The following PCDHGA11 variants were observed in gnomAD, a reference collection of about 807,000 sequenced individuals.
The protein encoded by PCDHGA11 is protocadherin gamma-A11.
A neutral mutation model predicts 60.4 loss-of-function variants in PCDHGA11; 39 were observed. The observed-to-expected ratio is 0.65, with a 90% CI of 0.50 to 0.84. PCDHGA11 has a LOEUF of 0.84. Among genes scored for constraint, PCDHGA11 ranks in the 40% least tolerant of loss-of-function variants. The pLI, the probability that PCDHGA11 is intolerant of heterozygous loss-of-function variation, is 0.00. For synonymous variants in PCDHGA11, 533 were observed against 510.3 expected, an observed-to-expected ratio of 1.04 and a Z score of -0.60; for missense variants, 1,165 against 1,197.7, an observed-to-expected ratio of 0.97 and a Z score of 0.40.
Position 141,462,764 on chromosome 5 carries a change from G to C in PCDHGA11, c.2434-32043G>C, listed in dbSNP as rs150842317. Among the ~76,000 whole-genome samples, 589 of 152,084 alleles carry C rather than the reference G, an allele frequency of 3.9e-3. 5 individuals are homozygous for C. Among genetic ancestry groups the C allele is most frequent in the Admixed American group, 0.011 (169 of 15,274 alleles). ...AATTCCTATGATGATTTTCTTCCTG[G>C]CTTGGGGTCATAATTTGTTGCTTAT... On this transcript the variant is annotated intron_variant, in intron 1 of 3. Transcript: ENST00000398587.
intron 1 of PCDHGA11, among the ~76,000 whole-genome samples, chr5:141,483,557 G>A (rs141633312): frequency 4.5e-4 from 69 of 152,276 alleles, no homozygotes; most frequent in Admixed American, 1.9e-3. Context: ...GCCATTCACA[G>A]AGACAGTGAA....
rs540507159 is a variant in PCDHGA11 at position 141,422,671 on chromosome 5, A to G, written c.1444A>G (p.Ser482Gly). The change falls in exon 1 of 4, where the codon AGC becomes GGC. Residue 482 changes from serine (S) to glycine (G), a missense_variant. By Grantham distance (56) the Ser-to-Gly change is moderately conservative. Coordinates refer to ENST00000398587, the MANE Select transcript of PCDHGA11 (RefSeq NM_018914.3). The stretch of plus-strand genomic sequence containing the variant: ...CTCAGTGACCGCCCTCGACCCGGAC[A>G]GCAAACAGAATGCCCTGGTCACTTA... ...IFSVTALDPD[S>G]KQNALVTYSL... is the part of the protein sequence containing the mutation. 4 of 1,607,248 alleles carry G rather than the reference A, an allele frequency of 2.5e-6. No homozygotes were observed. The Admixed American group carries it at 5.0e-5, about 20-fold the overall frequency.
intron 1 of PCDHGA11, among the ~76,000 whole-genome samples, chr5:141,456,729 C>T (rs1337183677): frequency 6.6e-6 from 1 of 152,158 alleles, no homozygotes; most frequent in Non-Finnish European, 1.5e-5. Context: ...CTTTGGGAGG[C>T]TGAGGCGGGA....
chr5:141,458,918 A>C (rs1173274380), intron 1 of PCDHGA11, among the ~76,000 whole-genome samples: 1 of 152,022 alleles, frequency 6.6e-6, no homozygotes, highest in Non-Finnish European at 1.5e-5. Context: ...TTTTTTGTGG[A>C]GACGGGGTCT....
intron 1 of PCDHGA11, among the ~76,000 whole-genome samples, chr5:141,480,451 T>G (rs2099519323): frequency 6.6e-6 from 1 of 152,136 alleles, no homozygotes; most frequent in African/African-American, 2.4e-5. Flanking sequence ...ATAATTATTT[T>G]TATTAGTTCC....
intron 2 of PCDHGA11, among the ~76,000 whole-genome samples, chr5:141,500,788 A>T (rs1379810633): frequency 2.6e-5 from 4 of 152,198 alleles, no homozygotes; most frequent in Admixed American, 6.5e-5. Context: ...ATATTATTTT[A>T]CAGAATAAGT....
chr5:141,477,298 T>C lies in PCDHGA11; in HGVS notation c.2434-17509T>C. ...TGGTGACCTGCGAAGTTCCACCGGG[T>C]CTCCCTTTCAGCCTTACTTCTTCCC... On this transcript the variant is annotated intron_variant, in intron 1 of 3. Coordinates refer to ENST00000398587, the MANE Select transcript of PCDHGA11 (RefSeq NM_018914.3). This position sits in a 1 kb window ranked among gnomAD's most constrained non-coding sequence, Gnocchi z 4.9. 1 of 1,613,344 alleles carries C rather than the reference T, an allele frequency of 6.2e-7. No individual in the cohort carries two copies. Among genetic ancestry groups the C allele is most frequent in the Non-Finnish European group, 8.5e-7 (1 of 1,179,870 alleles).
intron 1 of PCDHGA11, chr5:141,428,187 C>T: frequency 1.4e-6 from 2 of 1,439,502 alleles, no homozygotes; most frequent in Non-Finnish European, 1.9e-6. Context: ...GGACAGCCGC[C>T]GCTCTCTGCG....
In PCDHGA11 at chr5:141,490,274, A is replaced by G. The variant is rs1285515971; in HGVS notation, c.2434-4533A>G. The G allele has an allele frequency of 6.2e-7, 1 of 1,614,228 alleles. No individual in the cohort carries two copies. Among genetic ancestry groups the G allele is most frequent in the Non-Finnish European group, 8.5e-7 (1 of 1,180,038 alleles). On this transcript the variant is annotated intron_variant, in intron 1 of 3. Transcript: ENST00000398587. This position sits in a 1 kb window ranked among gnomAD's most constrained non-coding sequence, Gnocchi z 5.4. ...CAAGTGGATGTGGGGGATGTCAATGACAATGCCCCAGAGGTGCTATTGGCC... is the reference window on the plus strand; with the variant it reads ...CAAGTGGATGTGGGGGATGTCAATGGCAATGCCCCAGAGGTGCTATTGGCC...
chr5:141,460,587 T>C (rs1461971599), intron 1 of PCDHGA11, among the ~76,000 whole-genome samples: 1 of 152,170 alleles, frequency 6.6e-6, no homozygotes, highest in Non-Finnish European at 1.5e-5. Flanking sequence ...TGTGGGTTTT[T>C]TCTGGGCTCT....
intron 1 of PCDHGA11, chr5:141,427,607 T>C (rs1157037825): frequency 1.5e-6 from 1 of 688,594 alleles, no homozygotes; most frequent in Non-Finnish European, 2.7e-6. Context: ...TACGCATTGG[T>C]GAAGTCAACG....
intron 1 of PCDHGA11, chr5:141,478,878 T>A: frequency 8.0e-7 from 1 of 1,250,194 alleles, no homozygotes; most frequent in Non-Finnish European, 1.1e-6. Flanking sequence ...GAGTTTAGCT[T>A]GGTATCATTT....
chr5:141,428,423 G>C (rs939814279), intron 1 of PCDHGA11: 1 of 440,550 alleles, frequency 2.3e-6, no homozygotes, highest in Non-Finnish European at 4.3e-6. Flanking sequence ...CCTGGTCTCT[G>C]TTCTAAGACT....
Position 141,490,799 on chromosome 5 carries a change from G to A in PCDHGA11, c.2434-4008G>A, listed in dbSNP as rs757092044. On this transcript the variant is annotated intron_variant, in intron 1 of 3. Coordinates refer to ENST00000398587, the MANE Select transcript of PCDHGA11 (RefSeq NM_018914.3). The surrounding 1 kb of genome is among the most constrained non-coding windows in gnomAD (Gnocchi z 5.4). ...GAGGATGGACGGATCTTTGCCCAGC[G>A]TACCTTTGACTATGAATTGCTGCAG... is the stretch of plus-strand genomic sequence containing the variant. 2.7e-5 allele frequency: 43 copies of A among 1,613,888 alleles called. No individual in the cohort carries two copies. Among genetic ancestry groups the A allele is most frequent in the Middle Eastern group, 3.3e-4 (2 of 6,062 alleles).
chr5:141,431,991 A>T lies in PCDHGA11; in HGVS notation c.2433+8331A>T, dbSNP rs1046547219. On this transcript the variant is annotated intron_variant, in intron 1 of 3. Transcript: ENST00000398587. The surrounding 1 kb of genome is among the most constrained non-coding windows in gnomAD (Gnocchi z 4.8). ...AGTTTAGTCACAGACATAGTCTTGG[A>T]TAGGGAACAGGTTCCTAGCTACAAC... is the stretch of plus-strand genomic sequence containing the variant. 5 of 1,614,100 alleles carry T rather than the reference A, an allele frequency of 3.1e-6. No individual in the cohort carries two copies. Among genetic ancestry groups the T allele is most frequent in the Non-Finnish European group, 3.4e-6 (4 of 1,180,050 alleles).
chr5:141,436,267 T>C (rs2097805427), intron 1 of PCDHGA11, among the ~76,000 whole-genome samples: 1 of 152,198 alleles, frequency 6.6e-6, no homozygotes, highest in South Asian at 2.1e-4. Flanking sequence ...TCTGCTCACC[T>C]AACTTGATTT....
Position 141,489,732 on chromosome 5 carries a change from C to T in PCDHGA11, c.2434-5075C>T, listed in dbSNP as rs1562132763. On this transcript the variant is annotated intron_variant, in intron 1 of 3. Coordinates refer to ENST00000398587, the MANE Select transcript of PCDHGA11 (RefSeq NM_018914.3). This position sits in a 1 kb window ranked among gnomAD's most constrained non-coding sequence, Gnocchi z 4.5. ...GTGCCCAGGATCCGGATGTGGGCAC[C>T]AATACTGTGAGCTTTTACACTCTAA... 3.1e-6 allele frequency: 5 copies of T among 1,614,126 alleles called. No individual in the cohort carries two copies. The highest frequency in any genetic ancestry group is 1.1e-5 in the South Asian group (1 of 91,074).
intron 2 of PCDHGA11, among the ~76,000 whole-genome samples, chr5:141,502,564 C>T (rs2099815067): frequency 1.3e-5 from 2 of 151,774 alleles, no homozygotes; most frequent in East Asian, 1.9e-4. Context: ...CCAGATCTCT[C>T]CATTATAAAA....
chr5:141,505,653 G>A (rs1049630228), intron 3 of PCDHGA11, among the ~76,000 whole-genome samples, 172 bp downstream of exon 3: 1 of 152,184 alleles, frequency 6.6e-6, no homozygotes, highest in Non-Finnish European at 1.5e-5. Context: ...TTGTGGCTAA[G>A]GAACAGCAGA....
Sources: gnomAD v4.1 joint callset for allele counts (sites outside exome capture counted in the v4.1 genomes callset) on GRCh38, gnomAD v4.1.1 for gene constraint, Gnocchi (gnomAD v3.1) non-coding constraint, MANE v1.5 for transcripts, NCBI Gene and HGNC (gene_info 2026-07-23, HGNC 2026-07-21) for gene names.